The following GALNT17 variants were observed in gnomAD, a reference collection of about 807,000 sequenced individuals.
The protein encoded by GALNT17 is polypeptide N-acetylgalactosaminyltransferase 17.
Under a neutral mutation model 63.7 loss-of-function variants are expected in GALNT17, and 29 were observed. The ratio of observed to expected loss-of-function variants is 0.46; its 90% confidence interval spans 0.34 to 0.62. The LOEUF is 0.62. GALNT17 is among the 20% of genes least tolerant of loss of function. GALNT17 has a pLI of 0.01. For synonymous variants in GALNT17, 305 were observed against 318.3 expected, an observed-to-expected ratio of 0.96 and a Z score of 0.45; for missense variants, 603 against 799.6, an observed-to-expected ratio of 0.75 and a Z score of 2.97.
rs1047760131 is a variant in GALNT17 at position 71,162,529 on chromosome 7, A to G, written c.238+29489A>G. 2.6e-5 allele frequency among the ~76,000 whole-genome samples: 4 copies of G among 152,112 alleles called. No homozygotes were observed. The East Asian group carries it at 5.8e-4, about 22-fold the overall frequency. ...TGCTCAACAATTATTAATAATTTCA[A>G]TATGATAAACGAGGTTCATTAAACT... On this transcript the variant is annotated intron_variant, in intron 1 of 10. Transcript: ENST00000333538.
intron 2 of GALNT17, among the ~76,000 whole-genome samples, chr7:71,358,516 C>T (rs1014570373): frequency 6.6e-6 from 1 of 152,228 alleles, no homozygotes; most frequent in African/African-American, 2.4e-5. Context: ...TTAGCTCAGT[C>T]CTACTCTTAG....
intron 5 of GALNT17, among the ~76,000 whole-genome samples, chr7:71,460,310 CTG>C (rs748589579): frequency 4.4e-4 from 67 of 152,166 alleles, no homozygotes; most frequent in Non-Finnish European, 8.4e-4. Flanking sequence ...AAGCTACCAA[CTG>C]TGAGATTCTT....
At chr7:71,323,032 GA>G (rs905100606) in intron 1 of GALNT17, among the ~76,000 whole-genome samples, 16 of 149,614 alleles carry the variant, frequency 1.1e-4, no homozygotes, top group African/African-American at 3.7e-4. Flanking sequence ...GTTTAGCCTG[GA>G]AAAAAAAAGA....
At chr7:71,656,255 A>G (rs532792812) in intron 6 of GALNT17, among the ~76,000 whole-genome samples, 8 of 152,266 alleles carry the variant, frequency 5.3e-5, no homozygotes, top group African/African-American at 1.9e-4. Context: ...TACAACCGTG[A>G]TAAGGGCTAT....
chr7:71,630,375 T>G (rs1025665777), intron 6 of GALNT17, among the ~76,000 whole-genome samples: 1 of 152,180 alleles, frequency 6.6e-6, no homozygotes, highest in Non-Finnish European at 1.5e-5. Flanking sequence ...TGGATGAAGG[T>G]CTCAGCATTG....
intron 1 of GALNT17, among the ~76,000 whole-genome samples, chr7:71,302,716 G>C (rs7799967): frequency 0.87 from 132,549 of 152,176 alleles, 58,039 homozygotes; most frequent in South Asian, 0.95. Flanking sequence ...TAGCATAACC[G>C]TGCTCTTTAA....
chr7:71,555,526 A>G (rs1789149677), intron 5 of GALNT17, among the ~76,000 whole-genome samples: 1 of 151,918 alleles, frequency 6.6e-6, no homozygotes, highest in Non-Finnish European at 1.5e-5. Flanking sequence ...AGGTCCCATC[A>G]GGCCCCACCT....
chr7:71,305,778 T>C (rs1206956199), intron 1 of GALNT17, among the ~76,000 whole-genome samples: 1 of 152,124 alleles, frequency 6.6e-6, no homozygotes. Context: ...AGAGAGATAA[T>C]TACTAACTCC....
At chr7:71,701,827 ACACATATATATATG>A (rs1298283128) in intron 9 of GALNT17, among the ~76,000 whole-genome samples, 2,736 of 10,028 alleles carry the variant, frequency 0.27, 188 homozygotes, top group African/African-American at 0.35. Context: ...ACATATATAT[ACACATATATATATG>A]TGTATATATA....
At chr7:71,507,427 A>G (rs1230449088) in intron 5 of GALNT17, among the ~76,000 whole-genome samples, 2 of 152,216 alleles carry the variant, frequency 1.3e-5, no homozygotes, top group African/African-American at 2.4e-5. Flanking sequence ...CTTGGTATGT[A>G]TCTATACAAT....
At chr7:71,496,854 G>A (rs1355794020) in intron 5 of GALNT17, among the ~76,000 whole-genome samples, 1 of 151,994 alleles carries the variant, frequency 6.6e-6, no homozygotes, top group Non-Finnish European at 1.5e-5. Flanking sequence ...CAGGAGGATT[G>A]CTCGAGGCCA....
At chr7:71,447,669 C>T (rs1393585893) in intron 5 of GALNT17, among the ~76,000 whole-genome samples, 5 of 152,174 alleles carry the variant, frequency 3.3e-5, no homozygotes, top group African/African-American at 1.2e-4. Context: ...TAACTATTTG[C>T]ATCTGATCCA....
chr7:71,549,845 G>A (rs1248012202), intron 5 of GALNT17, among the ~76,000 whole-genome samples: 1 of 151,816 alleles, frequency 6.6e-6, no homozygotes, highest in Non-Finnish European at 1.5e-5. Context: ...GGGAAAGGAG[G>A]TTCTGAGAGA....
At chr7:71,325,384 A>G (rs1196140736) in intron 1 of GALNT17, among the ~76,000 whole-genome samples, 1 of 151,960 alleles carries the variant, frequency 6.6e-6, no homozygotes, top group Non-Finnish European at 1.5e-5. Flanking sequence ...AGAGAGAGAG[A>G]TTTACTGCAT....
chr7:71,683,267 C>T (rs1584135780), intron 9 of GALNT17, among the ~76,000 whole-genome samples: 2 of 152,224 alleles, frequency 1.3e-5, no homozygotes, highest in Middle Eastern at 6.8e-3. Flanking sequence ...CTTGGTGTGG[C>T]TCTCCAGCTG....
intron 1 of GALNT17, among the ~76,000 whole-genome samples, chr7:71,314,944 C>G (rs1468814575): frequency 6.6e-6 from 1 of 152,104 alleles, no homozygotes; most frequent in Non-Finnish European, 1.5e-5. Flanking sequence ...CAAAATTCAC[C>G]TTAAAAAAGT....
intron 5 of GALNT17, among the ~76,000 whole-genome samples, chr7:71,449,557 A>G (rs1008779339): frequency 1.3e-5 from 2 of 152,138 alleles, no homozygotes; most frequent in African/African-American, 2.4e-5. Context: ...ACTTAATGAA[A>G]TACCTTGAAT....
chr7:71,182,282 C>T (rs1788750343), intron 1 of GALNT17, among the ~76,000 whole-genome samples: 1 of 152,234 alleles, frequency 6.6e-6, no homozygotes, highest in Admixed American at 6.5e-5. Context: ...AATCAGTCAT[C>T]TCAGACTTCC....
At chr7:71,283,988 C>G (rs1031635281) in intron 1 of GALNT17, 11 of 152,244 alleles carry the variant, frequency 7.2e-5, no homozygotes, top group Non-Finnish European at 1.6e-4. Flanking sequence ...TATAATGGAC[C>G]AATCAGCAGG....
Sources: allele counts gnomAD v4.1 joint callset (sites outside exome capture counted in the v4.1 genomes callset), GRCh38; gene constraint gnomAD v4.1.1; transcripts MANE v1.5; gene names NCBI Gene and HGNC (gene_info 2026-07-23, HGNC 2026-07-21).